RRN3: variants seen among roughly 807,000 people sequenced by gnomAD.
RRN3 encodes RNA polymerase I-specific transcription initiation factor RRN3.
A neutral mutation model predicts 82.3 loss-of-function variants in RRN3; 38 were observed. The ratio of observed to expected loss-of-function variants is 0.46; its 90% confidence interval spans 0.36 to 0.61. RRN3 has a LOEUF of 0.61. RRN3 is among the 20% of genes least tolerant of loss of function. The pLI, the probability that RRN3 is intolerant of heterozygous loss-of-function variation, is 0.00. For synonymous variants in RRN3, 284 were observed against 284.3 expected (o/e 1.00, Z 0.01); for missense variants, 726 against 793.1 (o/e 0.92, Z 1.02).
chr16:15,073,438 G>C (rs1567199039), intron 11 of RRN3, among the ~76,000 whole-genome samples: 1 of 152,100 alleles, frequency 6.6e-6, no homozygotes, highest in Non-Finnish European at 1.5e-5. Flanking sequence ...GCCTGGGTTA[G>C]AGTAAGACCG....
chr16:15,068,993 G>A (rs1324741765), intron 14 of RRN3, among the ~76,000 whole-genome samples: 1 of 152,092 alleles, frequency 6.6e-6, no homozygotes, highest in East Asian at 1.9e-4. Context: ...CAGATTCCTG[G>A]CATTAATTTA....
At chr16:15,093,664 C>T (rs1242277779) in intron 1 of RRN3, among the ~76,000 whole-genome samples, 1 of 152,128 alleles carries the variant, frequency 6.6e-6, no homozygotes, top group Admixed American at 6.5e-5. Flanking sequence ...AAGTTAAACG[C>T]CAAGAGTGCT....
chr16:15,071,210 C>T lies in RRN3; in HGVS notation c.1170G>A (p.Leu390=), dbSNP rs979936352. ...TGATGGCAGGATTACTTGGGTCCTG[C>T]AATTTTTTCCAGAGATGTTCCAAAA... is the stretch of plus-strand genomic sequence containing the variant. ...EAFLEHLWKK[L]QDPSNPAIIR... is the part of the protein sequence containing the mutation. Residue 390 remains leucine, a synonymous_variant, in exon 13 of 18, where the codon TTG becomes TTA. Coordinates refer to ENST00000198767, the MANE Select transcript of RRN3 (RefSeq NM_018427.5). The T allele has an allele frequency of 6.2e-7, 1 of 1,610,946 alleles. No individual in the cohort carries two copies. The highest frequency in any genetic ancestry group is 1.1e-5 in the South Asian group (1 of 90,640).
At chr16:15,070,035 A>C in intron 14 of RRN3, 35 bp downstream of exon 14, 1 of 1,112,428 alleles carries the variant, frequency 9.0e-7, no homozygotes, top group Non-Finnish European at 1.3e-6. Context: ...CAAGAACACA[A>C]GGAAAATCCA....
chr16:15,077,049 G>A (rs2966184), intron 9 of RRN3, among the ~76,000 whole-genome samples: 87,423 of 149,416 alleles, frequency 0.59, 28,392 homozygotes, highest in Non-Finnish European at 0.71. Context: ...GCAAGATCTC[G>A]GCTCACCGCA....
chr16:15,076,557 C>G lies in RRN3; in HGVS notation c.858+1G>C. 1.3e-6 allele frequency: 2 copies of G among 1,599,726 alleles called. No individual in the cohort carries two copies. Among genetic ancestry groups the G allele is most frequent in the Non-Finnish European group, 1.7e-6 (2 of 1,166,830 alleles). ...TCCACTTTCATTAATAAACTGCTAA[C>G]CATATTAAACAATCCTTCCGTGGAA... is the stretch of plus-strand genomic sequence containing the variant. On this transcript the variant is annotated splice_donor_variant, in intron 10 of 17. Coordinates refer to ENST00000198767, the MANE Select transcript of RRN3 (RefSeq NM_018427.5). LOFTEE classifies it high-confidence loss of function.
chr16:15,072,349 A>T (rs528224820), intron 12 of RRN3, among the ~76,000 whole-genome samples: 2 of 152,286 alleles, frequency 1.3e-5, no homozygotes, highest in African/African-American at 4.8e-5. Flanking sequence ...CAACCCTTGG[A>T]AAGAATAAAG....
At chr16:15,066,139 G>T (rs1353015192) in intron 15 of RRN3, among the ~76,000 whole-genome samples, 1 of 152,110 alleles carries the variant, frequency 6.6e-6, no homozygotes, top group Non-Finnish European at 1.5e-5. Context: ...TTTGATTTCT[G>T]TCCTGTTAGC....
chr16:15,064,418 G>A (rs1446488556), intron 16 of RRN3, among the ~76,000 whole-genome samples: 4 of 152,008 alleles, frequency 2.6e-5, no homozygotes, highest in East Asian at 1.9e-4. Flanking sequence ...CAAGTGATCC[G>A]CCCGCCTCAG....
At chr16:15,089,359 A>G (rs2046028267) in intron 3 of RRN3, among the ~76,000 whole-genome samples, 1 of 152,162 alleles carries the variant, frequency 6.6e-6, no homozygotes, top group Non-Finnish European at 1.5e-5. Context: ...ACAGACACAA[A>G]TATATTAGGA....
Position 15,094,204 on chromosome 16 carries a change from C to A in RRN3, c.30G>T (p.Leu10Phe). ...AGGACGAAGCGGCCGCATCTCCCGG[C>A]AAACGCGTGTGAAGCAGCGGTGCCG... Reference protein sequence around the residue: MAAPLLHTRLPGDAAASSSA... With the variant: MAAPLLHTRFPGDAAASSSA... The change falls in exon 1 of 18, where the codon TTG becomes TTT. Residue 10 changes from leucine (L) to phenylalanine (F), a missense_variant. By Grantham distance (22) the Leu-to-Phe change is conservative. Transcript: ENST00000198767. 6.3e-7 allele frequency: 1 copy of A among 1,598,842 alleles called. No homozygotes were observed. The highest frequency in any genetic ancestry group is 1.1e-5 in the South Asian group (1 of 88,372).
intron 12 of RRN3, among the ~76,000 whole-genome samples, chr16:15,072,075 C>T (rs573355418): frequency 2.6e-5 from 4 of 152,150 alleles, no homozygotes; most frequent in East Asian, 3.9e-4. Flanking sequence ...AGCTTCTCAC[C>T]AAAGGGTGTA....
Position 15,071,256 on chromosome 16 carries a change from A to G in RRN3, c.1129-5T>C, listed in dbSNP as rs1446755293. ...CAAAAATGCCTCTGCGAATCCCTAT[A>G]AAAAGAGAGGGCGTCGGTGTGATCT... On this transcript the variant is annotated splice_polypyrimidine_tract_variant and splice_region_variant and intron_variant, in intron 12 of 17. Transcript: ENST00000198767. 6.2e-7 allele frequency: 1 copy of G among 1,602,234 alleles called. No individual in the cohort carries two copies. The highest frequency in any genetic ancestry group is 1.1e-5 in the South Asian group (1 of 89,060).
At chr16:15,083,627 A>G (rs776715383) in intron 7 of RRN3, 45 bp from the exon 8 acceptor site, 1 of 1,581,410 alleles carries the variant, frequency 6.3e-7, no homozygotes, top group Non-Finnish European at 8.6e-7. Flanking sequence ...TTTACTTTCT[A>G]GAAAAGGAAT....
At chr16:15,085,520 G>C in intron 6 of RRN3, 119 bp downstream of exon 6, 2 of 1,403,844 alleles carry the variant, frequency 1.4e-6, no homozygotes, top group Non-Finnish European at 2.0e-6. Flanking sequence ...GTCTCACTAT[G>C]TTGCCCAGGC....
At chr16:15,074,204 C>T (rs2045355093) in intron 11 of RRN3, among the ~76,000 whole-genome samples, 1 of 152,176 alleles carries the variant, frequency 6.6e-6, no homozygotes, top group Non-Finnish European at 1.5e-5. Flanking sequence ...GCAGTCAACT[C>T]AGATTCCAGT....
chr16:15,093,085 A>T (rs993280152), intron 1 of RRN3, among the ~76,000 whole-genome samples: 2 of 151,396 alleles, frequency 1.3e-5, no homozygotes, highest in African/African-American at 4.9e-5. Flanking sequence ...CTTAACTGCA[A>T]CCTCCATCTC....
intron 9 of RRN3, among the ~76,000 whole-genome samples, chr16:15,079,196 T>G (rs1386340905): frequency 1.3e-5 from 2 of 152,134 alleles, no homozygotes; most frequent in African/African-American, 4.8e-5. Flanking sequence ...TTTCCCTTAC[T>G]GTCTGCCTCC....
At chr16:15,080,277 A>C (rs1011172661) in intron 8 of RRN3, among the ~76,000 whole-genome samples, 181 bp from the exon 9 acceptor site, 1 of 152,218 alleles carries the variant, frequency 6.6e-6, no homozygotes, top group South Asian at 2.1e-4. Context: ...AATCATTTCA[A>C]TTATTCCCAG....
Sources: gnomAD v4.1 joint callset for allele counts (sites outside exome capture counted in the v4.1 genomes callset) on GRCh38, gnomAD v4.1.1 for gene constraint, MANE v1.5 for transcripts, NCBI Gene and HGNC (gene_info 2026-07-23, HGNC 2026-07-21) for gene names.